Variants in ADGRD2 observed in about 807,000 individuals in gnomAD.
ADGRD2 encodes G protein-coupled receptor PGR24.
ADGRD2 carries 71 observed loss-of-function variants against 44.4 expected under a neutral mutation model. The ratio of observed to expected loss-of-function variants is 1.60; its 90% CI spans 1.32 to 1.95. ADGRD2 has a LOEUF of 1.95. Among genes scored for constraint, ADGRD2 ranks in the 30% most tolerant of loss-of-function variants. The pLI, the probability that ADGRD2 is intolerant of heterozygous loss-of-function variation, is 0.00. For synonymous variants in ADGRD2, 481 were observed against 224.8 expected (o/e 2.14, Z -10.19); for missense variants, 1,039 against 512.4 (o/e 2.03, Z -9.92).
At chr9:124,458,952 C>T (rs1392427136) in intron 10 of ADGRD2, among the ~76,000 whole-genome samples, 3 of 152,200 alleles carry the variant, frequency 2.0e-5, no homozygotes, top group East Asian at 3.8e-4. Flanking sequence ...CCTCCAACCG[C>T]GCACTTCATC....
At position 124,455,007 on chromosome 9, in the gene ADGRD2, G is replaced by A. The variant is rs751021782; in HGVS notation, c.1275G>A (p.Gly425=). 4 of 718,242 alleles carry A rather than the reference G, an allele frequency of 5.6e-6. No individual in the cohort carries two copies. In the East Asian group the frequency reaches 1.1e-4, roughly 19 times the overall value. 44.5% of individuals were successfully genotyped at this position (718,242 alleles called of 1,614,324 possible). Residue 425 remains glycine, a synonymous_variant, in exon 6 of 22, where the codon GGG becomes GGA. Coordinates refer to ENST00000334810, the Ensembl canonical transcript of ADGRD2. ...TCCTGAAGAGGGTGGTGGCCCTCGG[G>A]GCTGGGGACCCAGAGCTGTTGTTGA...
chr9:124,467,340 C>CA (rs59651695), intron 11 of ADGRD2: 3,687 of 104,706 alleles, frequency 0.035, 103 homozygotes, highest in East Asian at 0.13. Flanking sequence ...CTTGAAGCAA[C>CA]AAAAAAAAAA....
rs1377928746 is a variant in ADGRD2 at position 124,454,165 on chromosome 9, G to A, written c.1022+68G>A. On this transcript the variant is annotated intron_variant, in intron 4 of 21. Transcript: ENST00000334810. This position sits in a 1 kb window ranked among gnomAD's most constrained non-coding sequence, Gnocchi z 4.5. ...CGGTGTGGACCGGAGTAGACTGAGAGGGGGTGAGCTGCTGGCAAAGTCTGG... is the reference window on the plus strand; with the variant it reads ...CGGTGTGGACCGGAGTAGACTGAGAAGGGGTGAGCTGCTGGCAAAGTCTGG... 8.2e-6 allele frequency: 5 copies of A among 611,906 alleles called. No individual in the cohort carries two copies. The highest frequency in any genetic ancestry group is 3.7e-5 in the African/African-American group (2 of 53,936). The allele number at this position is 611,906 out of a possible 1,614,324, so 37.9% of individuals were successfully genotyped here.
At chr9:124,453,065 A>G (rs7861556) in exon 3 of ADGRD2, 504,065 of 674,178 alleles carry the variant, frequency 0.75, 189,482 homozygotes, top group East Asian at 0.86. Context: ...CTGGTGTTCG[A>G]CGAGAGGACG....
chr9:124,470,158 G>T (rs1831919998), intron 16 of ADGRD2, among the ~76,000 whole-genome samples: 1 of 152,154 alleles, frequency 6.6e-6, no homozygotes, highest in Non-Finnish European at 1.5e-5. Flanking sequence ...AGAGGGAGAA[G>T]GGAGTCCTTC....
chr9:124,465,534 T>A (rs1831803873), intron 10 of ADGRD2: 1 of 152,168 alleles, frequency 6.6e-6, no homozygotes, highest in Admixed American at 6.5e-5. Context: ...GTATTTTTAG[T>A]AGAGACAGGG....
At chr9:124,471,820 T>C (rs1033478272) in intron 17 of ADGRD2, among the ~76,000 whole-genome samples, 7 of 152,200 alleles carry the variant, frequency 4.6e-5, no homozygotes, top group Non-Finnish European at 8.8e-5. Flanking sequence ...GCCCCTGTAT[T>C]TGTGGAGCTG....
At chr9:124,456,211 A>T (rs577621114) in intron 6 of ADGRD2, among the ~76,000 whole-genome samples, 30 of 152,320 alleles carry the variant, frequency 2.0e-4, no homozygotes, top group Middle Eastern at 3.4e-3. Context: ...CCCAGCACAG[A>T]GTAGGTGCCC....
chr9:124,470,669 AG>A, intron 17 of ADGRD2, 55 bp downstream of exon 20: 1 of 669,146 alleles, frequency 1.5e-6, no homozygotes. Flanking sequence ...GAAAGCTCAG[AG>A]GGGACGACTA....
chr9:124,469,172 G>A, intron 14 of ADGRD2, 50 bp from the exon 18 acceptor site: 1 of 679,684 alleles, frequency 1.5e-6, no homozygotes. Flanking sequence ...GGGTCCTGGA[G>A]AGGAAAAAGC....
chr9:124,468,069 ACTC>A lies in ADGRD2; in HGVS notation c.2131-15_2131-13del, dbSNP rs1195105051. 1 of 717,772 alleles carries A rather than the reference ACTC, an allele frequency of 1.4e-6. No individual in the cohort carries two copies. Among genetic ancestry groups the A allele is most frequent in the Non-Finnish European group, 2.6e-6 (1 of 384,960 alleles). The allele number at this position is 717,772 out of a possible 1,614,324, so 44.5% of individuals were successfully genotyped here. A position where few individuals can be genotyped will look rare whatever the true frequency, so the allele number is the denominator to read the frequency against. ...CCAGCAGTGGTGTTCTTGTTAACTG[ACTC>A]CTCTGTCCTCTCCAGGGTCCCCAAG... On this transcript the variant is annotated splice_polypyrimidine_tract_variant and intron_variant, in intron 12 of 21. Transcript: ENST00000334810.
exon 9 of ADGRD2, chr9:124,458,182 C>T (rs758506837): frequency 3.8e-5 from 27 of 718,380 alleles, no homozygotes; most frequent in Admixed American, 2.4e-4. Flanking sequence ...CTAGAGGGAC[C>T]GGACCTAGAG....
intron 19 of ADGRD2, 116 bp downstream of exon 22, chr9:124,475,731 G>T: frequency 5.4e-6 from 3 of 556,682 alleles, no homozygotes; most frequent in Non-Finnish European, 6.4e-6. Context: ...GGACCAGCCT[G>T]AGGCCCCCAG....
At chr9:124,463,120 C>T (rs1039962856) in intron 10 of ADGRD2, among the ~76,000 whole-genome samples, 41 of 152,140 alleles carry the variant, frequency 2.7e-4, no homozygotes, top group African/African-American at 9.4e-4. Context: ...CCACTAAATG[C>T]GATGTTTGGG....
chr9:124,458,751 A>C, intron 10 of ADGRD2, 30 bp downstream of exon 13: 1 of 715,174 alleles, frequency 1.4e-6, no homozygotes, highest in Non-Finnish European at 2.6e-6. Context: ...GGAAGCAGCC[A>C]TCCTGGCGCA....
At chr9:124,466,680 C>T (rs1831831117) in intron 11 of ADGRD2, 2 of 263,258 alleles carry the variant, frequency 7.6e-6, no homozygotes, top group Non-Finnish European at 7.2e-6. Flanking sequence ...TGTGGTGGCT[C>T]GTGCCTATAG....
exon 15 of ADGRD2, chr9:124,469,328 C>T (rs970412284): frequency 8.4e-6 from 6 of 718,306 alleles, no homozygotes; most frequent in Middle Eastern, 2.3e-4. Flanking sequence ...TCTGGGCCTT[C>T]GTGGGGCCTG....
At chr9:124,452,899 T>C in intron 2 of ADGRD2, 136 bp from the exon 6 acceptor site, 1 of 604,754 alleles carries the variant, frequency 1.7e-6, no homozygotes, top group Non-Finnish European at 2.9e-6. Context: ...AGGGGAACTC[T>C]AGCCCCCATT....
chr9:124,452,796 T>C, intron 2 of ADGRD2, 74 bp downstream of exon 5: 1 of 663,034 alleles, frequency 1.5e-6, no homozygotes, highest in Non-Finnish European at 2.8e-6. Context: ...GAGCCCACAG[T>C]GACAATATTT....
Sources: allele counts gnomAD v4.1 joint callset (sites outside exome capture counted in the v4.1 genomes callset), GRCh38; gene constraint gnomAD v4.1.1; non-coding constraint Gnocchi (gnomAD v3.1); transcripts MANE v1.5; gene names NCBI Gene and HGNC (gene_info 2026-07-23, HGNC 2026-07-21).